The following GPHN variants were observed in gnomAD, a reference collection of about 807,000 sequenced individuals.
GPHN encodes gephyrin.
In GPHN, 17 loss-of-function variants were observed where a neutral mutation model predicts 95.5. The ratio of observed to expected loss-of-function variants is 0.18; its 90% confidence interval spans 0.12 to 0.27. The LOEUF is 0.27. Among genes scored for constraint, GPHN ranks in the 10% least tolerant of loss-of-function variants. GPHN has a pLI of 1.00. For missense variants in GPHN, 660 were observed against 978.1 expected, an observed-to-expected ratio of 0.67 and a Z score of 4.34; for synonymous variants, 320 against 322.5, an observed-to-expected ratio of 0.99 and a Z score of 0.08.
intron 5 of GPHN, among the ~76,000 whole-genome samples, chr14:66,891,876 C>G (rs980367304): frequency 4.6e-5 from 7 of 151,906 alleles, no homozygotes; most frequent in Non-Finnish European, 5.9e-5. Flanking sequence ...ATGAAAAGAT[C>G]CTCAGCATCA....
the GPHN span, among the ~76,000 whole-genome samples, chr14:67,207,849 A>T: frequency 6.6e-6 from 1 of 152,242 alleles, no homozygotes; most frequent in Non-Finnish European, 1.5e-5. Flanking sequence ...AATTAAGACC[A>T]AACTCAGACT....
chr14:66,678,151 G>C (rs893053925), intron 1 of GPHN, among the ~76,000 whole-genome samples: 6 of 152,080 alleles, frequency 3.9e-5, no homozygotes, highest in African/African-American at 1.4e-4. Flanking sequence ...TTGGGAAGTT[G>C]TCAGCCATTA....
the GPHN span, chr14:67,198,234 G>C: frequency 3.1e-6 from 5 of 1,613,946 alleles, no homozygotes; most frequent in Non-Finnish European, 3.4e-6. Context: ...ACACTCCCAT[G>C]ATCCGAGAGA....
chr14:67,190,884 C>T, the GPHN span, among the ~76,000 whole-genome samples: 3 of 152,328 alleles, frequency 2.0e-5, no homozygotes, highest in Non-Finnish European at 4.4e-5. Context: ...AACCTCAAAG[C>T]TCCAAGGAGC....
At chr14:66,750,295 A>G (rs188124731) in intron 2 of GPHN, among the ~76,000 whole-genome samples, 1 of 151,952 alleles carries the variant, frequency 6.6e-6, no homozygotes, top group East Asian at 1.9e-4. Context: ...TTTTTTGCAC[A>G]TCATGTCTTT....
chr14:67,603,996 G>GTTTTTTT, the GPHN span, among the ~76,000 whole-genome samples: 5 of 150,134 alleles, frequency 3.3e-5, no homozygotes, highest in Non-Finnish European at 3.0e-5. Context: ...CTTGTTTTTT[G>GTTTTTTT]TTTTTGTTTT....
intron 4 of GPHN, among the ~76,000 whole-genome samples, chr14:66,871,075 A>T (rs2063416386): frequency 1.3e-5 from 2 of 152,178 alleles, no homozygotes; most frequent in African/African-American, 4.8e-5. Flanking sequence ...GGCAATTCTC[A>T]CGTATCATTT....
At position 67,013,124 on chromosome 14, in the gene GPHN, T is replaced by G. The variant is rs2073103549; in HGVS notation, c.964-10509T>G. On this transcript the variant is annotated intron_variant, in intron 9 of 22. Transcript: ENST00000478722. The stretch of plus-strand genomic sequence containing the variant: ...ATGGCTCTGGGCAACTGAGCTTAGC[T>G]CAACACATACTCTTTTTTATTATTA... Among the ~76,000 whole-genome samples, 3 of 152,248 alleles carry G rather than the reference T, an allele frequency of 2.0e-5. No individual in the cohort carries two copies. The South Asian group carries it at 6.2e-4, about 32-fold the overall frequency.
intron 17 of GPHN, among the ~76,000 whole-genome samples, chr14:67,129,799 AGAGG>A (rs201760439): frequency 7.5e-5 from 10 of 132,488 alleles, no homozygotes; most frequent in African/African-American, 1.6e-4. Context: ...AGAGAGAGGG[AGAGG>A]GAGGGAGGGA....
chr14:67,235,563 A>C, the GPHN span, among the ~76,000 whole-genome samples: 1 of 152,016 alleles, frequency 6.6e-6, no homozygotes, highest in Non-Finnish European at 1.5e-5. Flanking sequence ...AAAATACAAA[A>C]AATTAACCAG....
At chr14:67,582,501 A>G in the GPHN span, among the ~76,000 whole-genome samples, 1 of 152,104 alleles carries the variant, frequency 6.6e-6, no homozygotes, top group Non-Finnish European at 1.5e-5. The surrounding 1 kb of genome is among the most constrained non-coding windows in gnomAD (Gnocchi z 5.0). Flanking sequence ...TCTATGCTTT[A>G]GTTTCCTTCT....
At chr14:66,591,677 C>T (rs1322354287) in intron 1 of GPHN, among the ~76,000 whole-genome samples, 1 of 152,188 alleles carries the variant, frequency 6.6e-6, no homozygotes, top group Non-Finnish European at 1.5e-5. Context: ...AATGGAAAAA[C>T]ATTCCAAGCT....
intron 1 of GPHN, among the ~76,000 whole-genome samples, chr14:66,658,884 T>A (rs2065464971): frequency 7.3e-6 from 1 of 136,172 alleles, no homozygotes; most frequent in Admixed American, 7.1e-5. Flanking sequence ...TAGAGGCAGC[T>A]TTTTTTTTTT....
chr14:67,203,127 A>G, the GPHN span: 1 of 1,613,698 alleles, frequency 6.2e-7, no homozygotes. Flanking sequence ...TTACCTTCAT[A>G]ACCGAGCCAA....
At chr14:67,238,120 C>T in the GPHN span, among the ~76,000 whole-genome samples, 2 of 152,090 alleles carry the variant, frequency 1.3e-5, no homozygotes, top group Non-Finnish European at 2.9e-5. Context: ...ATTACCATGC[C>T]TCCAGTTTCT....
rs113090011 is a variant in GPHN, at chr14:66,759,544, A to T, written c.144-16920A>T. ...TAAAGTCTTTTTTATCTGAGGTAAG[A>T]ATAGCAACCCCTGCTCTTTTTTGTT... On this transcript the variant is annotated intron_variant, in intron 2 of 22. Transcript: ENST00000478722. Among the ~76,000 whole-genome samples, 232 of 152,360 alleles carry T rather than the reference A, an allele frequency of 1.5e-3. 1 individual carries two copies. Among genetic ancestry groups the T allele is most frequent in the African/African-American group, 5.5e-3 (230 of 41,584 alleles).
At chr14:67,572,517 A>G in the GPHN span, among the ~76,000 whole-genome samples, 1 of 152,170 alleles carries the variant, frequency 6.6e-6, no homozygotes, top group Admixed American at 6.5e-5. Flanking sequence ...CCAGTTACTG[A>G]GAGCCTACTG....
At chr14:66,687,014 G>C (rs1248920867) in intron 2 of GPHN, among the ~76,000 whole-genome samples, 1 of 152,108 alleles carries the variant, frequency 6.6e-6, no homozygotes, top group South Asian at 2.1e-4. Context: ...ATGATCATGT[G>C]GTTTTTGTCT....
Position 66,762,614 on chromosome 14 carries a change from CTGTT to C in GPHN, c.144-13848_144-13845del, listed in dbSNP as rs111764009. Among the ~76,000 whole-genome samples, 467 of 150,980 alleles carry C rather than the reference CTGTT, an allele frequency of 3.1e-3. 11 individuals carry two copies. Among genetic ancestry groups the C allele is most frequent in the African/African-American group, 0.011 (443 of 41,186 alleles). On this transcript the variant is annotated intron_variant, in intron 2 of 22. Transcript: ENST00000478722. ...GGATGACATTGTTCTAAGTAGCAGA[CTGTT>C]TTCTGTTCATAACCTTGAGCAAGTT...
Sources: gnomAD v4.1 joint callset for allele counts (sites outside exome capture counted in the v4.1 genomes callset) on GRCh38, gnomAD v4.1.1 for gene constraint, Gnocchi (gnomAD v3.1) non-coding constraint, MANE v1.5 for transcripts, NCBI Gene and HGNC (gene_info 2026-07-23, HGNC 2026-07-21) for gene names.